Variants in RSPH3 observed in about 807,000 individuals in gnomAD.
The protein encoded by RSPH3 is radial spoke head protein 3 homolog.
Under a neutral mutation model 43.8 loss-of-function variants are expected in RSPH3, and 21 were observed. That is an observed-to-expected ratio of 0.48 (90% confidence interval 0.34 to 0.69). RSPH3 has a LOEUF of 0.69. Among genes scored for constraint, RSPH3 ranks in the 30% least tolerant of loss-of-function variants. RSPH3 has a pLI of 0.01. For missense variants in RSPH3, 487 were observed against 516.0 expected (o/e 0.94, Z 0.54); for synonymous variants, 173 against 179.8 (o/e 0.96, Z 0.30).
chr6:158,980,862 T>C lies in RSPH3; in HGVS notation c.771A>G (p.Ala257=), dbSNP rs780767162. The change falls in exon 6 of 8, where the codon GCA becomes GCG. Residue 257 remains alanine, a synonymous_variant. Transcript: ENST00000367069. ...GGTCAGCCAGGTAACGCTGTGCAAA[T>C]GCTCGGGCGGCGATTTTTTGTGATG... ...NETSQKIAAR[A]FAQRYLADLL... is the part of the protein sequence containing the mutation. 2 of 1,614,178 alleles carry C rather than the reference T, an allele frequency of 1.2e-6. No homozygotes were observed. Among genetic ancestry groups the C allele is most frequent in the South Asian group, 2.2e-5 (2 of 91,080 alleles).
chr6:158,981,050 GTCTA>G (rs1334913338), intron 5 of RSPH3, 114 bp from the exon 6 acceptor site: 17 of 959,480 alleles, frequency 1.8e-5, no homozygotes, highest in Admixed American at 4.4e-5. Flanking sequence ...ACAGCGAGGT[GTCTA>G]TCTATTAAAG....
chr6:158,996,926 A>C (rs1465494603), intron 1 of RSPH3, among the ~76,000 whole-genome samples: 4 of 152,158 alleles, frequency 2.6e-5, no homozygotes, highest in Non-Finnish European at 5.9e-5. Flanking sequence ...ATCCCTCATG[A>C]ATGGCTTGGC....
downstream of RSPH3, chr6:158,972,734 T>C (rs1461043230): frequency 6.6e-6 from 1 of 152,258 alleles, no homozygotes; most frequent in Non-Finnish European, 1.5e-5. Flanking sequence ...TGGCATCTTA[T>C]ATCTGAAATA....
intron 1 of RSPH3, among the ~76,000 whole-genome samples, chr6:158,998,297 C>CAAAAAAAAA (rs71297000): frequency 3.0e-3 from 161 of 53,896 alleles, no homozygotes; most frequent in African/African-American, 8.8e-3. Context: ...TAAAAAAATA[C>CAAAAAAAAA]AAAAAAAAAA....
chr6:158,993,793 T>C (rs766239173), intron 2 of RSPH3, 46 bp downstream of exon 2: 5 of 1,021,788 alleles, frequency 4.9e-6, no homozygotes, highest in East Asian at 2.5e-5. Context: ...TCCTTCCCCA[T>C]AGATAATGTG....
chr6:158,979,904 A>G (rs144647271), intron 6 of RSPH3, among the ~76,000 whole-genome samples: 88 of 152,308 alleles, frequency 5.8e-4, no homozygotes, highest in African/African-American at 2.1e-3. Flanking sequence ...GACAGCTATC[A>G]GGCTATGGGC....
At position 158,980,880 on chromosome 6, in the gene RSPH3, T is replaced by C; in HGVS notation, c.753A>G (p.Gln251=). The C allele has an allele frequency of 6.2e-7, 1 of 1,614,188 alleles. No homozygotes were observed. Among genetic ancestry groups the C allele is most frequent in the Non-Finnish European group, 8.5e-7 (1 of 1,180,024 alleles). The change falls in exon 6 of 8, where the codon CAA becomes CAG. Residue 251 remains glutamine, a synonymous_variant. Coordinates refer to ENST00000367069, the MANE Select transcript of RSPH3 (RefSeq NM_031924.8). ...EIMHKHNETS[Q]KIAARAFAQR... is the part of the protein sequence containing the mutation. Reference sequence around the variant, plus strand: ...GTGCAAATGCTCGGGCGGCGATTTTTTGTGATGTCTCGTTGTGCTTGTGCA... The same window carrying C: ...GTGCAAATGCTCGGGCGGCGATTTTCTGTGATGTCTCGTTGTGCTTGTGCA...
At position 158,977,650 on chromosome 6, in the gene RSPH3, G is replaced by A. The variant is rs757248084; in HGVS notation, c.1145C>T (p.Thr382Ile). 1.9e-6 allele frequency: 3 copies of A among 1,614,084 alleles called. No individual in the cohort carries two copies. The highest frequency in any genetic ancestry group is 2.2e-5 in the East Asian group (1 of 44,874). ...LLDGGYLQRT[T>I]YDRRSSQERK... The stretch of plus-strand genomic sequence containing the variant: ...TTCCTGGGATGACCTTCTGTCATAT[G>A]TTGTTCTTTGTAGGTAGCCTCCATC... Residue 382 changes from threonine to isoleucine, a missense_variant, in exon 8 of 8, where the codon ACA becomes ATA. Transcript: ENST00000367069.
downstream of RSPH3, among the ~76,000 whole-genome samples, chr6:158,967,931 C>T (rs1583691335): frequency 6.6e-6 from 1 of 152,234 alleles, no homozygotes; most frequent in Non-Finnish European, 1.5e-5. Flanking sequence ...ATATCTTTGT[C>T]CATCCTTTTA....
rs1777833566 is a variant in RSPH3 at position 158,976,202 on chromosome 6, T to A, written c.*1336A>T. ...TGTCTCCAAAAAATAAAAATAAAAA[T>A]AAGTAAAAAGAAAAATAGGCTCTAT... On this transcript the variant is annotated 3_prime_UTR_variant, in exon 8 of 8. Coordinates refer to ENST00000367069, the MANE Select transcript of RSPH3 (RefSeq NM_031924.8). The A allele has an allele frequency of 6.6e-6, 1 of 151,912 alleles. No individual in the cohort carries two copies. Among genetic ancestry groups the A allele is most frequent in the Non-Finnish European group, 1.5e-5 (1 of 67,980 alleles). The allele number at this position is 151,912 out of a possible 1,614,324, so 9.4% of individuals were successfully genotyped here.
At chr6:158,991,853 T>G (rs1282788060) in intron 2 of RSPH3, among the ~76,000 whole-genome samples, 1 of 152,186 alleles carries the variant, frequency 6.6e-6, no homozygotes, top group Admixed American at 6.5e-5. Context: ...TAATAGATGT[T>G]CCCCAACTTA....
downstream of RSPH3, among the ~76,000 whole-genome samples, chr6:158,968,085 A>C (rs558726252): frequency 3.9e-5 from 6 of 152,282 alleles, no homozygotes; most frequent in East Asian, 1.2e-3. Context: ...ATTACTGATA[A>C]GCTAGGATTT....
downstream of RSPH3, among the ~76,000 whole-genome samples, chr6:158,972,142 A>C (rs1205772845): frequency 6.6e-6 from 1 of 152,186 alleles, no homozygotes; most frequent in Non-Finnish European, 1.5e-5. Context: ...TATAACAGGC[A>C]GGTTTTGAAT....
At chr6:158,993,325 C>T (rs1778481836) in intron 2 of RSPH3, among the ~76,000 whole-genome samples, 1 of 151,882 alleles carries the variant, frequency 6.6e-6, no homozygotes, top group African/African-American at 2.4e-5. Context: ...ACCATGTTGG[C>T]CAGAATGGTC....
rs1406964573 is a variant in RSPH3 at position 158,989,421 on chromosome 6, C to G, written c.205-3000G>C. 1.3e-5 allele frequency among the ~76,000 whole-genome samples: 2 copies of G among 152,120 alleles called. No homozygotes were observed. The highest frequency in any genetic ancestry group is 6.5e-5 in the Admixed American group (1 of 15,268). Reference sequence around the variant, plus strand: ...GCCTTAAGGCCAGGTTCACCTGGCTCTAGTAAATGATCAGAGCACTGCCCA... The same window carrying G: ...GCCTTAAGGCCAGGTTCACCTGGCTGTAGTAAATGATCAGAGCACTGCCCA... On this transcript the variant is annotated intron_variant, in intron 2 of 7. Transcript: ENST00000367069. This position sits in a 1 kb window ranked among gnomAD's most constrained non-coding sequence, Gnocchi z 4.3.
rs1366348492 is a variant in RSPH3 at position 158,999,563 on chromosome 6, AC to A, written c.-14del. ...GCGCTGAGGCCATGTCCGGGGGCTG[AC>A]TGCCTCGCTTTCGGTGGAGCTTGGC... On this transcript the variant is annotated 5_prime_UTR_variant, in exon 1 of 8. Coordinates refer to ENST00000367069, the MANE Select transcript of RSPH3 (RefSeq NM_031924.8). 2 of 1,606,494 alleles carry A rather than the reference AC, an allele frequency of 1.2e-6. No homozygotes were observed. Among genetic ancestry groups the A allele is most frequent in the Non-Finnish European group, 1.7e-6 (2 of 1,174,772 alleles).
chr6:158,978,809 G>T (rs1777936187), intron 6 of RSPH3, among the ~76,000 whole-genome samples: 1 of 152,200 alleles, frequency 6.6e-6, no homozygotes, highest in Non-Finnish European at 1.5e-5. Flanking sequence ...AAAGTTCTAG[G>T]ATTACAGGTG....
At chr6:158,972,572 A>G (rs1583693764), downstream of RSPH3, among the ~76,000 whole-genome samples, 1 of 152,246 alleles carries the variant, frequency 6.6e-6, no homozygotes, top group Non-Finnish European at 1.5e-5. Context: ...TTAGGGTTTC[A>G]CTGACACCTA....
At chr6:158,969,196 G>C (rs751278556), downstream of RSPH3, among the ~76,000 whole-genome samples, 17 of 152,102 alleles carry the variant, frequency 1.1e-4, no homozygotes, top group Admixed American at 1.3e-4. Flanking sequence ...TTGTAGGGTA[G>C]GTGTGCTAAT....
Sources: gnomAD v4.1 joint callset for allele counts (sites outside exome capture counted in the v4.1 genomes callset) on GRCh38, gnomAD v4.1.1 for gene constraint, Gnocchi (gnomAD v3.1) non-coding constraint, MANE v1.5 for transcripts, NCBI Gene and HGNC (gene_info 2026-07-23, HGNC 2026-07-21) for gene names.